The following CD109 variants were observed in gnomAD, a reference collection of about 807,000 sequenced individuals.
The protein encoded by CD109 is CD109 antigen.
Under a neutral mutation model 165.8 loss-of-function variants are expected in CD109, and 149 were observed. The observed-to-expected ratio is 0.90, with a 90% CI of 0.79 to 1.03. The LOEUF is 1.03. Among genes scored for constraint, CD109 ranks in the 50% least tolerant of loss-of-function variants. The pLI is 0.00. For synonymous variants in CD109, 585 were observed against 592.1 expected (o/e 0.99, Z 0.18); for missense variants, 1,712 against 1,677.8 (o/e 1.02, Z -0.36).
intron 15 of CD109, among the ~76,000 whole-genome samples, chr6:73,774,596 C>T (rs1049112003): frequency 6.6e-6 from 1 of 152,196 alleles, no homozygotes; most frequent in Non-Finnish European, 1.5e-5. Context: ...CTGGTATTAT[C>T]TTTTGGATAC....
At chr6:73,704,057 C>T (rs770810566) in intron 2 of CD109, among the ~76,000 whole-genome samples, 6 of 151,834 alleles carry the variant, frequency 4.0e-5, no homozygotes, top group Admixed American at 6.6e-5. Context: ...TGGTGGTGGG[C>T]GCCTATAGTC....
chr6:73,704,532 G>A (rs1043459488), intron 2 of CD109, among the ~76,000 whole-genome samples: 2 of 152,188 alleles, frequency 1.3e-5, no homozygotes, highest in Non-Finnish European at 2.9e-5. Flanking sequence ...AGTTAAACAT[G>A]TGCTGCTCCT....
intron 10 of CD109, among the ~76,000 whole-genome samples, chr6:73,765,180 G>T (rs905275282): frequency 3.3e-5 from 5 of 151,998 alleles, no homozygotes; most frequent in African/African-American, 1.2e-4. Context: ...GGTCTGGCTG[G>T]CAATTTCGGG....
chr6:73,781,017 GTGTT>G (rs996225483), intron 16 of CD109, among the ~76,000 whole-genome samples: 4 of 150,654 alleles, frequency 2.7e-5, no homozygotes, highest in African/African-American at 7.3e-5. Flanking sequence ...GTGTGTGTGT[GTGTT>G]TGAGTGAGAA....
chr6:73,721,947 GCTGGTCTCTAACTCCTGA>G (rs1422565409), intron 2 of CD109, among the ~76,000 whole-genome samples: 1 of 152,014 alleles, frequency 6.6e-6, no homozygotes, highest in Non-Finnish European at 1.5e-5. Context: ...TGTTGGCCAG[GCTGGTCTCTAACTCCTGA>G]CTTCAGGTGT....
In CD109 at chr6:73,821,911, C is replaced by T. The variant is rs1292911821; in HGVS notation, c.4162+1348C>T. On this transcript the variant is annotated intron_variant, in intron 32 of 32. Transcript: ENST00000287097. Reference sequence around the variant, plus strand: ...AATAATAAATAAAATGGGACTTCTTCAGGAGAGAACATGAACAGCATCTGC... The same window carrying T: ...AATAATAAATAAAATGGGACTTCTTTAGGAGAGAACATGAACAGCATCTGC... Among the ~76,000 whole-genome samples the T allele has an allele frequency of 3.3e-5, 5 of 152,304 alleles. No homozygotes were observed. The East Asian group carries it at 9.6e-4, about 29-fold the overall frequency.
At position 73,763,694 on chromosome 6, in the gene CD109, G is replaced by A. The variant is rs775812505; in HGVS notation, c.1107+9G>A. 2 of 1,419,910 alleles carry A rather than the reference G, an allele frequency of 1.4e-6. No individual in the cohort carries two copies. The highest frequency in any genetic ancestry group is 2.0e-6 in the Non-Finnish European group (2 of 1,017,836). The allele number at this position is 1,419,910 out of a possible 1,614,324, so 88.0% of individuals were successfully genotyped here. ...TCAACTTCACAGCCACTGTAAGTTGGTATATTTATTTCCAGTCCATAGCAG... is the reference window on the plus strand; with the variant it reads ...TCAACTTCACAGCCACTGTAAGTTGATATATTTATTTCCAGTCCATAGCAG... On this transcript the variant is annotated intron_variant, in intron 10 of 32. Coordinates refer to ENST00000287097, the MANE Select transcript of CD109 (RefSeq NM_133493.5).
the CD109 span, among the ~76,000 whole-genome samples, chr6:73,682,234 A>C: frequency 6.6e-6 from 1 of 152,214 alleles, no homozygotes; most frequent in Non-Finnish European, 1.5e-5. Context: ...TGTAAAATCA[A>C]AAGCAGGTTA....
At chr6:73,766,256 TGGAC>T in intron 11 of CD109, 102 bp downstream of exon 11, 2 of 858,454 alleles carry the variant, frequency 2.3e-6, no homozygotes. Flanking sequence ...ACATAGGAAG[TGGAC>T]ACATGTTTCT....
chr6:73,757,124 A>C (rs1171639560), intron 6 of CD109, among the ~76,000 whole-genome samples: 2 of 152,234 alleles, frequency 1.3e-5, no homozygotes, highest in Non-Finnish European at 2.9e-5. Context: ...AAACAGTGGG[A>C]CCCATCTATT....
chr6:73,813,258 C>G (rs1775813537), intron 29 of CD109, among the ~76,000 whole-genome samples: 1 of 152,070 alleles, frequency 6.6e-6, no homozygotes. Flanking sequence ...TGGGAAAATT[C>G]TCATTCTCAA....
chr6:73,700,904 C>T (rs755626684), intron 2 of CD109, among the ~76,000 whole-genome samples: 9 of 143,208 alleles, frequency 6.3e-5, no homozygotes, highest in Admixed American at 2.9e-4. Flanking sequence ...CTGGTTCAAG[C>T]GATTCTCCTG....
At chr6:73,707,134 G>C (rs1398542101) in intron 2 of CD109, among the ~76,000 whole-genome samples, 1 of 152,198 alleles carries the variant, frequency 6.6e-6, no homozygotes, top group Non-Finnish European at 1.5e-5. Context: ...GTGCCGTGTT[G>C]ACAGTTTCAA....
At chr6:73,681,322 A>ATT in the CD109 span, among the ~76,000 whole-genome samples, 1 of 93,334 alleles carries the variant, frequency 1.1e-5, no homozygotes. Flanking sequence ...TACAGTTACC[A>ATT]TTTGTGTGTG....
chr6:73,696,121 G>C, upstream of CD109: 1 of 1,222,322 alleles, frequency 8.2e-7, no homozygotes, highest in Non-Finnish European at 1.2e-6. Flanking sequence ...CGAATTAAGA[G>C]GGAAAAAAAA....
intron 2 of CD109, among the ~76,000 whole-genome samples, chr6:73,722,868 G>C (rs182239964): frequency 9.2e-5 from 14 of 152,208 alleles, no homozygotes; most frequent in Admixed American, 9.1e-4. Context: ...CCTTTATCAC[G>C]AGGGTATGAG....
intron 17 of CD109, 138 bp from the exon 18 acceptor site, chr6:73,782,476 C>T (rs2033736): frequency 0.37 from 268,352 of 734,160 alleles, 50,249 homozygotes; most frequent in African/African-American, 0.48. Flanking sequence ...TTCACTGTAA[C>T]AGAAGGAACC....
chr6:73,762,444 T>C lies in CD109; in HGVS notation c.819T>C (p.Phe273=). The change falls in exon 8 of 33, where the codon TTT becomes TTC. Residue 273 remains phenylalanine, a synonymous_variant. Coordinates refer to ENST00000287097, the MANE Select transcript of CD109 (RefSeq NM_133493.5). The part of the protein sequence containing the change: ...DVTLTFLPLS[F]WGKKKNITKT... ...CGCTTACATTTTTACCTTTATCCTT[T>C]TGGGGAAAGAAGAAAAATATTACAA... 1 of 1,612,084 alleles carries C rather than the reference T, an allele frequency of 6.2e-7. No individual in the cohort carries two copies. The highest frequency in any genetic ancestry group is 1.1e-5 in the South Asian group (1 of 90,886).
chr6:73,797,241 A>G (rs1199361838), intron 23 of CD109, among the ~76,000 whole-genome samples: 1 of 152,226 alleles, frequency 6.6e-6, no homozygotes. Context: ...CAAAAAGGAA[A>G]ATGGAACCAT....
Sources: allele counts gnomAD v4.1 joint callset (sites outside exome capture counted in the v4.1 genomes callset), GRCh38; gene constraint gnomAD v4.1.1; transcripts MANE v1.5; gene names NCBI Gene and HGNC (gene_info 2026-07-23, HGNC 2026-07-21).